KMT2E: variants seen among roughly 807,000 people sequenced by gnomAD.
KMT2E encodes lysine methyltransferase 2E (inactive).
In KMT2E, 30 loss-of-function variants were observed where a neutral mutation model predicts 184.6. The observed-to-expected ratio is 0.16, with a 90% confidence interval of 0.12 to 0.22. KMT2E has a LOEUF of 0.22. KMT2E is among the 10% of genes least tolerant of loss of function. The pLI is 1.00. For missense variants in KMT2E, 2,023 were observed against 2,237.4 expected (o/e 0.90, Z 1.93); for synonymous variants, 815 against 776.5 (o/e 1.05, Z -0.82).
intron 3 of KMT2E, among the ~76,000 whole-genome samples, chr7:105,059,978 GTTTTTTTTTT>G (rs67291226): frequency 2.9e-4 from 15 of 51,796 alleles, no homozygotes; most frequent in Admixed American, 1.3e-3. Flanking sequence ...TCTTGTTGTT[GTTTTTTTTTT>G]TTTTTTTTTT....
At chr7:105,081,137 T>A (rs1797748660) in intron 12 of KMT2E, among the ~76,000 whole-genome samples, 1 of 152,050 alleles carries the variant, frequency 6.6e-6, no homozygotes, top group African/African-American at 2.4e-5. Flanking sequence ...ATCCCAGCAC[T>A]TGGGGAGGCC....
intron 6 of KMT2E, among the ~76,000 whole-genome samples, chr7:105,073,010 AAATTT>A (rs1277639429): frequency 1.3e-5 from 2 of 150,664 alleles, no homozygotes; most frequent in African/African-American, 2.5e-5. Context: ...TTGCTTTAAG[AAATTT>A]AATTTATGAT....
At chr7:105,036,111 C>A (rs1468279902) in intron 1 of KMT2E, among the ~76,000 whole-genome samples, 1 of 149,290 alleles carries the variant, frequency 6.7e-6, no homozygotes, top group African/African-American at 2.5e-5. Context: ...ATTATAAATT[C>A]TAGATTATTT....
intron 3 of KMT2E, among the ~76,000 whole-genome samples, chr7:105,056,040 C>T (rs548638877): frequency 1.6e-4 from 24 of 152,084 alleles, no homozygotes; most frequent in Non-Finnish European, 2.8e-4. Context: ...GAGACAGTGT[C>T]TTATCTTTGT....
At chr7:105,068,133 A>C (rs979020538) in intron 6 of KMT2E, among the ~76,000 whole-genome samples, 53 of 152,298 alleles carry the variant, frequency 3.5e-4, no homozygotes, top group African/African-American at 1.2e-3. Context: ...GTGCATGTTT[A>C]GGGAACTCAG....
intron 3 of KMT2E, among the ~76,000 whole-genome samples, chr7:105,055,849 G>A (rs1796554780): frequency 6.6e-6 from 1 of 151,814 alleles, no homozygotes; most frequent in Admixed American, 6.6e-5. Flanking sequence ...ACCTCTGATG[G>A]CACTACTGTA....
chr7:105,095,250 G>C (rs1305973729), intron 15 of KMT2E, among the ~76,000 whole-genome samples: 2 of 152,014 alleles, frequency 1.3e-5, no homozygotes, highest in African/African-American at 4.8e-5. Context: ...ATGAACTCTA[G>C]GTAATACATG....
chr7:105,095,385 A>G (rs975767679), intron 15 of KMT2E, among the ~76,000 whole-genome samples: 2 of 152,154 alleles, frequency 1.3e-5, no homozygotes, highest in African/African-American at 2.4e-5. Flanking sequence ...TCCAGGGGGA[A>G]ATCTTGGAGA....
At chr7:105,109,762 A>G (rs1445740768) in intron 23 of KMT2E, among the ~76,000 whole-genome samples, 1 of 152,080 alleles carries the variant, frequency 6.6e-6, no homozygotes, top group Non-Finnish European at 1.5e-5. Flanking sequence ...TCACCAATAA[A>G]TTGCTGGAGA....
rs772707787 is a variant in KMT2E at position 105,079,011 on chromosome 7, T to G, written c.1248+48T>G. Reference sequence around the variant, plus strand: ...GGGAGATGTGGGTGCTGGGGGTGTGTTGGAATCTGAGCAATAAGCACAAAA... The same window carrying G: ...GGGAGATGTGGGTGCTGGGGGTGTGGTGGAATCTGAGCAATAAGCACAAAA... On this transcript the variant is annotated intron_variant, in intron 12 of 26. Transcript: ENST00000311117. The G allele has an allele frequency of 1.2e-5, 12 of 1,000,150 alleles. No homozygotes were observed. The African/African-American group carries it at 1.8e-4, about 15-fold the overall frequency. The allele number at this position is 1,000,150 out of a possible 1,614,324, so 62.0% of individuals were successfully genotyped here. A position where few individuals can be genotyped will look rare whatever the true frequency, so the allele number is the denominator to read the frequency against.
At chr7:105,020,624 GT>G (rs1274330048) in intron 1 of KMT2E, among the ~76,000 whole-genome samples, 15 of 152,126 alleles carry the variant, frequency 9.9e-5, no homozygotes, top group Non-Finnish European at 1.5e-5. Flanking sequence ...GCTGTCTCAT[GT>G]TTTATCTGAG....
intron 15 of KMT2E, among the ~76,000 whole-genome samples, chr7:105,098,255 TAAAGAC>T (rs1316410006): frequency 4.0e-5 from 6 of 148,456 alleles, no homozygotes; most frequent in Admixed American, 6.7e-5. Context: ...TTTTTTTAGA[TAAAGAC>T]AGGGCCTCGC....
At chr7:105,054,079 C>G (rs566643352) in intron 3 of KMT2E, among the ~76,000 whole-genome samples, 1 of 151,204 alleles carries the variant, frequency 6.6e-6, no homozygotes, top group African/African-American at 2.4e-5. Flanking sequence ...GGCTGAGACA[C>G]GAGAATCACT....
chr7:105,072,332 CAAAACAA>C (rs1431019472), intron 6 of KMT2E, among the ~76,000 whole-genome samples: 1 of 151,928 alleles, frequency 6.6e-6, no homozygotes, highest in African/African-American at 2.4e-5. Flanking sequence ...TCTCAAAAAA[CAAAACAA>C]AAAACAAAAA....
At chr7:105,037,367 T>A (rs2129565073) in intron 1 of KMT2E, among the ~76,000 whole-genome samples, 1 of 152,164 alleles carries the variant, frequency 6.6e-6, no homozygotes, top group Middle Eastern at 3.4e-3. Flanking sequence ...TTTCTTTTTT[T>A]TGTTGTTTTT....
Position 105,112,188 on chromosome 7 carries a change from T to A in KMT2E, c.4432T>A (p.Tyr1478Asn). 1 of 1,614,084 alleles carries A rather than the reference T, an allele frequency of 6.2e-7. No individual in the cohort carries two copies. Among genetic ancestry groups the A allele is most frequent in the Admixed American group, 1.7e-5 (1 of 59,998 alleles). The change falls in exon 27 of 27, where the codon TAC (tyrosine) becomes AAC (asparagine). Residue 1478 changes from tyrosine (Y) to asparagine (N), a missense_variant. By Grantham distance (143) the Tyr-to-Asn change is moderately radical. Coordinates refer to ENST00000311117, the MANE Select transcript of KMT2E (RefSeq NM_182931.3). ...TCCTTCACAGCAGTTAGGATCTCCC[T>A]ACAGGCCTCATCATTCACAGTCACC... is the stretch of plus-strand genomic sequence containing the variant. Reference protein sequence around the residue: ...KPPSQQLGSPYRPHHSQSPQV... With the variant: ...KPPSQQLGSPNRPHHSQSPQV...
At chr7:105,042,795 A>C (rs959463505) in intron 3 of KMT2E, among the ~76,000 whole-genome samples, 1 of 152,250 alleles carries the variant, frequency 6.6e-6, no homozygotes, top group Admixed American at 6.5e-5. Context: ...GAGAGAGAAA[A>C]GAAATGGACA....
intron 3 of KMT2E, among the ~76,000 whole-genome samples, chr7:105,054,920 C>T (rs935172332): frequency 1.3e-5 from 2 of 152,164 alleles, no homozygotes; most frequent in Admixed American, 1.3e-4. Flanking sequence ...GACATAGTGC[C>T]AAGTGCTTTT....
rs561627330 is a variant in KMT2E at position 105,035,203 on chromosome 7, T to A, written c.-188-2923T>A. The stretch of plus-strand genomic sequence containing the variant: ...CCAAGCCTGGCTAATTTTTTTTTTT[T>A]TTGTATTTTTAGTAGAGACGGGGTT... On this transcript the variant is annotated intron_variant, in intron 1 of 26. Coordinates refer to ENST00000311117, the MANE Select transcript of KMT2E (RefSeq NM_182931.3). 8.6e-5 allele frequency among the ~76,000 whole-genome samples: 13 copies of A among 151,792 alleles called. No individual in the cohort carries two copies. The South Asian group carries it at 1.0e-3, about 12-fold the overall frequency.
Sources: allele counts gnomAD v4.1 joint callset (sites outside exome capture counted in the v4.1 genomes callset), GRCh38; gene constraint gnomAD v4.1.1; transcripts MANE v1.5; gene names NCBI Gene and HGNC (gene_info 2026-07-23, HGNC 2026-07-21).